The following IGDCC4 variants were observed in gnomAD, a reference collection of about 807,000 sequenced individuals.
The protein encoded by IGDCC4 is likely ortholog of mouse neighbor of Punc E11.
In IGDCC4, 72 loss-of-function variants were observed where a neutral mutation model predicts 116.6. The observed-to-expected ratio is 0.62, with a 90% CI of 0.51 to 0.75. The LOEUF (loss-of-function observed/expected upper bound fraction) is 0.75, where lower values mean the gene tolerates loss of function less well. IGDCC4 is among the 30% of genes least tolerant of loss of function. The probability of loss-of-function intolerance (pLI) is 0.00; values close to 1 mark genes in which losing one functional copy is unlikely to be tolerated. For missense variants in IGDCC4, 1,501 were observed against 1,662.4 expected (o/e 0.90, Z 1.69); for synonymous variants, 709 against 719.9 (o/e 0.98, Z 0.24).
At position 65,393,602 on chromosome 15, in the gene IGDCC4, C is replaced by T. The variant is rs928809338; in HGVS notation, c.1715-71G>A. The T allele has an allele frequency of 1.2e-5, 18 of 1,457,274 alleles. No homozygotes were observed. Among genetic ancestry groups the T allele is most frequent in the African/African-American group, 4.2e-5 (3 of 70,888 alleles). 90.3% of individuals were successfully genotyped at this position (1,457,274 alleles called of 1,614,324 possible). A position where few individuals can be genotyped will look rare whatever the true frequency, so the allele number is the denominator to read the frequency against. ...CAGGATCCTAAACCCCCCTACATGG[C>T]TCTTCCGCCTCACATCCCGGTTCCT... On this transcript the variant is annotated intron_variant, in intron 9 of 19. Coordinates refer to ENST00000352385, the MANE Select transcript of IGDCC4 (RefSeq NM_020962.3). This position sits in a 1 kb window ranked among gnomAD's most constrained non-coding sequence, Gnocchi z 4.6.
intron 1 of IGDCC4, among the ~76,000 whole-genome samples, chr15:65,416,189 G>A (rs1363659937): frequency 7.3e-6 from 1 of 137,040 alleles, no homozygotes; most frequent in South Asian, 2.4e-4. Flanking sequence ...CCAGGCTGGA[G>A]TGTAGTGGCG....
Position 65,411,007 on chromosome 15 carries a change from T to A in IGDCC4, c.421+13A>T, listed in dbSNP as rs778566681. 1.9e-6 allele frequency: 3 copies of A among 1,596,050 alleles called. No individual in the cohort carries two copies. In the South Asian group the frequency reaches 3.4e-5, roughly 18 times the overall value. On this transcript the variant is annotated intron_variant, in intron 2 of 19. Transcript: ENST00000352385. Reference sequence around the variant, plus strand: ...GTTTCAGCCTCAGACCCCCGCCCGATGCAAGCACTTACTGGCAAGCTTGAC... The same window carrying A: ...GTTTCAGCCTCAGACCCCCGCCCGAAGCAAGCACTTACTGGCAAGCTTGAC...
rs377342675 is a variant in IGDCC4, at chr15:65,392,237, C to T, written c.2019G>A (p.Glu673=). ...CCCCTGGCAGGCGATCGCCATTGGC[C>T]TCCTCCTCAGCCCCCACCTCCCGCC... ...LYWREVGAEE[E]ANGDRLPGGR... Residue 673 remains glutamate (E), a synonymous_variant, in exon 11 of 20, where the codon GAG becomes GAA. Transcript: ENST00000352385. 33 of 1,613,642 alleles carry T rather than the reference C, an allele frequency of 2.0e-5. No homozygotes were observed. The highest frequency in any genetic ancestry group is 2.8e-5 in the Non-Finnish European group (33 of 1,179,846).
chr15:65,417,151 C>A (rs929823709), intron 1 of IGDCC4, among the ~76,000 whole-genome samples: 10 of 152,272 alleles, frequency 6.6e-5, no homozygotes, highest in Admixed American at 4.6e-4. Context: ...TCCACGACAC[C>A]ATCACCATTC....
intron 7 of IGDCC4, 51 bp from the exon 8 acceptor site, chr15:65,395,309 G>A: frequency 6.4e-7 from 1 of 1,566,760 alleles, no homozygotes; most frequent in Non-Finnish European, 8.7e-7. Flanking sequence ...CCCCCGTGCT[G>A]GCTAGCTGGA....
At position 65,391,869 on chromosome 15, in the gene IGDCC4, A is replaced by G; in HGVS notation, c.2224+11T>C. The G allele has an allele frequency of 1.2e-6, 2 of 1,610,418 alleles. No homozygotes were observed. The highest frequency in any genetic ancestry group is 8.5e-7 in the Non-Finnish European group (1 of 1,177,948). ...TGAGCCCTCCCCGCCTTCTTCCCCC[A>G]CCGCCCTCACCTGGTGCCGGCGCCT... On this transcript the variant is annotated intron_variant, in intron 12 of 19. Coordinates refer to ENST00000352385, the MANE Select transcript of IGDCC4 (RefSeq NM_020962.3).
At chr15:65,422,619 C>T (rs960920309) in intron 1 of IGDCC4, among the ~76,000 whole-genome samples, 174 bp downstream of exon 1, 1 of 151,920 alleles carries the variant, frequency 6.6e-6, no homozygotes, top group African/African-American at 2.4e-5. Context: ...CCCACAAACG[C>T]CCCCCGGCCG....
intron 3 of IGDCC4, among the ~76,000 whole-genome samples, chr15:65,404,418 C>G (rs956800570): frequency 1.4e-4 from 22 of 152,202 alleles, no homozygotes; most frequent in Middle Eastern, 3.4e-3. Flanking sequence ...CAGGAAAGGA[C>G]GAATTGGGGA....
chr15:65,396,981 G>T lies in IGDCC4; in HGVS notation c.850C>A (p.Pro284Thr). The change falls in exon 6 of 20, where the codon CCC (proline) becomes ACC (threonine). Residue 284 changes from proline to threonine, a missense_variant. By Grantham distance (38) the Pro-to-Thr change is conservative. Coordinates refer to ENST00000352385, the MANE Select transcript of IGDCC4 (RefSeq NM_020962.3). ...AGGACGATGACATCTGTGGAGATGG[G>T]CTTCCCGTCTGGGGAAGGAGAGGGA... Reference protein sequence around the residue: ...FVSWVRQDGKPISTDVIVLGR... With the variant: ...FVSWVRQDGKTISTDVIVLGR... The T allele has an allele frequency of 6.3e-7, 1 of 1,580,336 alleles. No individual in the cohort carries two copies. Among genetic ancestry groups the T allele is most frequent in the Non-Finnish European group, 8.6e-7 (1 of 1,162,670 alleles).
chr15:65,391,806 A>G (rs529965397), intron 12 of IGDCC4, 74 bp downstream of exon 12: 7 of 1,380,464 alleles, frequency 5.1e-6, no homozygotes, highest in Middle Eastern at 2.5e-4. Context: ...GGCTGGCCCA[A>G]AGGAAAAGAA....
intron 3 of IGDCC4, among the ~76,000 whole-genome samples, chr15:65,409,648 T>C (rs1442685306): frequency 6.6e-6 from 1 of 152,124 alleles, no homozygotes. Flanking sequence ...ATCCATTGCC[T>C]TTACAGGGAA....
intron 2 of IGDCC4, 67 bp downstream of exon 2, chr15:65,410,953 A>G: frequency 7.7e-7 from 1 of 1,296,028 alleles, no homozygotes. Flanking sequence ...AACTAACTGC[A>G]GATCCCACTT....
rs1365387054 is a variant in IGDCC4 at position 65,395,268 on chromosome 15, C to T, written c.1412-10G>A. The T allele has an allele frequency of 1.9e-6, 3 of 1,603,974 alleles. No homozygotes were observed. The highest frequency in any genetic ancestry group is 2.6e-6 in the Non-Finnish European group (3 of 1,172,420). On this transcript the variant is annotated splice_polypyrimidine_tract_variant and intron_variant, in intron 7 of 19. Transcript: ENST00000352385. ...TCCACATTGTCCATGCCTGGTGACA[C>T]GGGGGACAAGGGGACTGTCATAGTG...
In IGDCC4 at chr15:65,410,206, C is replaced by T. The variant is rs750478576; in HGVS notation, c.535G>A (p.Asp179Asn). 1.9e-6 allele frequency: 3 copies of T among 1,613,630 alleles called. No individual in the cohort carries two copies. The South Asian group carries it at 3.3e-5, about 18-fold the overall frequency. Reference sequence around the variant, plus strand: ...GGCTCCTCAGGCAATGTCACCTGGTCCTTCTCCCAAGTAATGATGGGAGCT... The same window carrying T: ...GGCTCCTCAGGCAATGTCACCTGGTTCTTCTCCCAAGTAATGATGGGAGCT... ...LPAPIITWEK[D>N]QVTLPEEPRL... The change falls in exon 3 of 20, where the codon GAC becomes AAC. Residue 179 changes from aspartate to asparagine, a missense_variant. Around this residue, in one of 3 missense-constraint regions of IGDCC4, gnomAD observed 898 missense variants for 978.9 expected, o/e 0.92. Coordinates refer to ENST00000352385, the MANE Select transcript of IGDCC4 (RefSeq NM_020962.3).
At chr15:65,409,276 G>T (rs978430469) in intron 3 of IGDCC4, among the ~76,000 whole-genome samples, 16 of 152,132 alleles carry the variant, frequency 1.1e-4, no homozygotes, top group African/African-American at 2.7e-4. Context: ...ATGCAACACA[G>T]GCAACAGAAG....
rs2091431618 is a variant in IGDCC4, at chr15:65,384,286, AG to A, written c.3475del (p.Leu1159CysfsTer61). On this transcript the variant is annotated frameshift_variant, in exon 20 of 20. Coordinates refer to ENST00000352385, the MANE Select transcript of IGDCC4 (RefSeq NM_020962.3). LOFTEE classifies it low-confidence loss of function (END_TRUNC). This position sits in a 1 kb window ranked among gnomAD's most constrained non-coding sequence, Gnocchi z 4.9. ...GATGAGATCAGGAGCCTCTGGAGGC[AG>A]GGGGTCCTCAGGCTCCAGGTCTTGG... Reference protein sequence around the residue: ...HLQDLEPEDPLPPEAPDLISG... With the variant: ...HLQDLEPEDPXPPEAPDLISG... The A allele has an allele frequency of 3.7e-6, 6 of 1,607,732 alleles. No individual in the cohort carries two copies. The highest frequency in any genetic ancestry group is 5.1e-6 in the Non-Finnish European group (6 of 1,176,740).
chr15:65,394,879 C>T (rs1055617276), intron 8 of IGDCC4, among the ~76,000 whole-genome samples: 6 of 152,174 alleles, frequency 3.9e-5, no homozygotes, highest in Non-Finnish European at 5.9e-5. Flanking sequence ...TAAGTCCCAG[C>T]TGAACTACTG....
Position 65,383,892 on chromosome 15 carries a change from A to G in IGDCC4, c.*117T>C. 2 of 978,840 alleles carry G rather than the reference A, an allele frequency of 2.0e-6. No individual in the cohort carries two copies. The highest frequency in any genetic ancestry group is 2.9e-4 in the Middle Eastern group (1 of 3,472). The allele number at this position is 978,840 out of a possible 1,614,324, so 60.6% of individuals were successfully genotyped here. The stretch of plus-strand genomic sequence containing the variant: ...TCCCCTCAGCCAAAGCAACTTAGGA[A>G]GCTCCAAAGGGCTTGATGATGTATC... On this transcript the variant is annotated 3_prime_UTR_variant, in exon 20 of 20. Transcript: ENST00000352385.
In IGDCC4 at chr15:65,388,965, G is replaced by T. The variant is rs200495833; in HGVS notation, c.2550C>A (p.Pro850=). ...RSTLPDRPST[P]PSDLRLSPLT... Reference sequence around the variant, plus strand: ...GGGGGCTCAGTCGCAGGTCGGATGGGGGTGTGGAGGGCCCTGGGGTGCGGG... The same window carrying T: ...GGGGGCTCAGTCGCAGGTCGGATGGTGGTGTGGAGGGCCCTGGGGTGCGGG... The change falls in exon 15 of 20, where the codon CCC becomes CCA. Residue 850 remains proline, a synonymous_variant. Transcript: ENST00000352385. 5.6e-6 allele frequency: 9 copies of T among 1,599,656 alleles called. No homozygotes were observed. Among genetic ancestry groups the T allele is most frequent in the Non-Finnish European group, 6.0e-6 (7 of 1,173,332 alleles).
Sources: allele counts gnomAD v4.1 joint callset (sites outside exome capture counted in the v4.1 genomes callset), GRCh38; gene constraint gnomAD v4.1.1; regional missense constraint gnomAD v4.1.1; non-coding constraint Gnocchi (gnomAD v3.1); transcripts MANE v1.5; gene names NCBI Gene and HGNC (gene_info 2026-07-23, HGNC 2026-07-21).